The following ZNF543 variants were observed in gnomAD, a reference collection of about 807,000 sequenced individuals.
ZNF543 encodes the protein zinc finger protein 543.
A neutral mutation model predicts 13.4 loss-of-function variants in ZNF543; 10 were observed. That is an observed-to-expected ratio of 0.75 (90% CI 0.46 to 1.26). The LOEUF (loss-of-function observed/expected upper bound fraction) is 1.26. Ranked by LOEUF, ZNF543 falls within the 50% of genes most tolerant of loss-of-function variation. The probability of loss-of-function intolerance (pLI) is 0.00; values close to 1 mark genes in which losing one functional copy is unlikely to be tolerated. For missense variants in ZNF543, 768 were observed against 741.2 expected, an observed-to-expected ratio of 1.04 and a Z score of -0.42; for synonymous variants, 272 against 264.7, an observed-to-expected ratio of 1.03 and a Z score of -0.27.
At chr19:57,322,073 G>A (rs2088093325) in intron 1 of ZNF543, among the ~76,000 whole-genome samples, 1 of 152,116 alleles carries the variant, frequency 6.6e-6, no homozygotes, top group Admixed American at 6.5e-5. Flanking sequence ...GCCAGTCAGG[G>A]GCCCATGTTC....
Position 57,326,652 on chromosome 19 carries a change from A to T in ZNF543, c.165A>T (p.Pro55=). Residue 55 remains proline, a synonymous_variant, in exon 3 of 4, where the codon CCA becomes CCT. Coordinates refer to ENST00000321545, the MANE Select transcript of ZNF543 (RefSeq NM_213598.4). ...GCACAGGCTGTCCTTTGTTCAAACC[A>T]GAGCTGATCTACCAGTTGGATCACA... is the stretch of plus-strand genomic sequence containing the variant. ...LMSLGCPLFK[P]ELIYQLDHRQ... 1 of 1,614,056 alleles carries T rather than the reference A, an allele frequency of 6.2e-7. No individual in the cohort carries two copies. The highest frequency in any genetic ancestry group is 8.5e-7 in the Non-Finnish European group (1 of 1,179,954).
chr19:57,325,055 G>A (rs57215402), intron 2 of ZNF543, among the ~76,000 whole-genome samples: 39,529 of 152,076 alleles, frequency 0.26, 5,321 homozygotes, highest in Admixed American at 0.29. Flanking sequence ...TAAGGACTTG[G>A]ATTTGAGAGC....
At chr19:57,325,602 G>A (rs2088115727) in intron 2 of ZNF543, among the ~76,000 whole-genome samples, 1 of 152,046 alleles carries the variant, frequency 6.6e-6, no homozygotes, top group African/African-American at 2.4e-5. Context: ...ACCCACACTG[G>A]AGTGCAGTGG....
At chr19:57,325,189 C>T (rs1314109042) in intron 2 of ZNF543, among the ~76,000 whole-genome samples, 1 of 152,080 alleles carries the variant, frequency 6.6e-6, no homozygotes, top group Admixed American at 6.5e-5. Context: ...TGTGCAAAGG[C>T]CCTGAGGTGG....
chr19:57,323,433 C>A (rs190267820), intron 1 of ZNF543, among the ~76,000 whole-genome samples: 1 of 152,058 alleles, frequency 6.6e-6, no homozygotes. Context: ...ACCTCGTGAT[C>A]TGCCCTTCAT....
chr19:57,330,669 C>T lies in ZNF543; in HGVS notation c.*1404C>T, dbSNP rs1029751683. The T allele has an allele frequency of 5.3e-5, 8 of 152,004 alleles. No individual in the cohort carries two copies. The highest frequency in any genetic ancestry group is 1.9e-4 in the African/African-American group (8 of 41,362). 9.4% of individuals were successfully genotyped at this position (152,004 alleles called of 1,614,324 possible). ...TACACATTTAGAGCGTTTTGTAATTCCTTTTTTATATTTTTAAGACTAGAT... is the reference window on the plus strand; with the variant it reads ...TACACATTTAGAGCGTTTTGTAATTTCTTTTTTATATTTTTAAGACTAGAT... On this transcript the variant is annotated 3_prime_UTR_variant, in exon 4 of 4. Transcript: ENST00000321545.
At chr19:57,321,197 T>G (rs1029043373) in intron 1 of ZNF543, among the ~76,000 whole-genome samples, 7 of 152,182 alleles carry the variant, frequency 4.6e-5, no homozygotes, top group Non-Finnish European at 1.5e-5. Context: ...ATTTTTCCCT[T>G]GTCCTTTGCT....
Position 57,329,472 on chromosome 19 carries a change from C to T in ZNF543, c.*207C>T, listed in dbSNP as rs2088148998. The T allele has an allele frequency of 1.8e-6, 1 of 544,840 alleles. No individual in the cohort carries two copies. The highest frequency in any genetic ancestry group is 3.1e-6 in the Non-Finnish European group (1 of 324,892). 33.8% of individuals were successfully genotyped at this position (544,840 alleles called of 1,614,324 possible). A position where few individuals can be genotyped will look rare whatever the true frequency, so the allele number is the denominator to read the frequency against. On this transcript the variant is annotated 3_prime_UTR_variant, in exon 4 of 4. Coordinates refer to ENST00000321545, the MANE Select transcript of ZNF543 (RefSeq NM_213598.4). Reference sequence around the variant, plus strand: ...ATGCACTTAGGAAAACTTTCAGCCACATCTTTCTTCTTAGTTTACAGTGAA... The same window carrying T: ...ATGCACTTAGGAAAACTTTCAGCCATATCTTTCTTCTTAGTTTACAGTGAA...
At chr19:57,321,962 C>T (rs2088092559) in intron 1 of ZNF543, among the ~76,000 whole-genome samples, 1 of 152,154 alleles carries the variant, frequency 6.6e-6, no homozygotes, top group Non-Finnish European at 1.5e-5. Flanking sequence ...ACAGTGGTTT[C>T]CTGAGTGGTT....
rs758228420 is a variant in ZNF543, at chr19:57,320,513, C to T, written c.-341C>T. ...TCCGTGAGCAGGATTGGCCCTGGAACAGTGTGGGGCCTGGACCGCTGGGTA... is the reference window on the plus strand; with the variant it reads ...TCCGTGAGCAGGATTGGCCCTGGAATAGTGTGGGGCCTGGACCGCTGGGTA... On this transcript the variant is annotated 5_prime_UTR_variant, in exon 1 of 4. Coordinates refer to ENST00000321545, the MANE Select transcript of ZNF543 (RefSeq NM_213598.4). 6.0e-4 allele frequency: 159 copies of T among 263,158 alleles called. 1 individual carries two copies. The highest frequency in any genetic ancestry group is 1.3e-4 in the Non-Finnish European group (18 of 136,300). The allele number at this position is 263,158 out of a possible 1,614,324, so 16.3% of individuals were successfully genotyped here.
chr19:57,322,055 C>G (rs758826367), intron 1 of ZNF543, among the ~76,000 whole-genome samples: 1 of 152,208 alleles, frequency 6.6e-6, no homozygotes, highest in African/African-American at 2.4e-5. Flanking sequence ...TTAGCCAGGA[C>G]AGACATAGCC....
chr19:57,328,239 G>A lies in ZNF543; in HGVS notation c.777G>A (p.Glu259=), dbSNP rs149358738. 40 of 1,613,952 alleles carry A rather than the reference G, an allele frequency of 2.5e-5. No homozygotes were observed. The South Asian group carries it at 4.0e-4, about 16-fold the overall frequency. ...HTGEKPYKCM[E]CGKAFNRRSH... ...GGGAGAAGCCCTATAAGTGCATGGA[G>A]TGTGGGAAGGCTTTTAACCGCAGGT... The change falls in exon 4 of 4, where the codon GAG becomes GAA. Residue 259 remains glutamate (E), a synonymous_variant. Coordinates refer to ENST00000321545, the MANE Select transcript of ZNF543 (RefSeq NM_213598.4).
chr19:57,326,848 A>G, intron 3 of ZNF543, 120 bp downstream of exon 3: 1 of 730,436 alleles, frequency 1.4e-6, no homozygotes, highest in Non-Finnish European at 2.2e-6. Flanking sequence ...CTTGGGATCC[A>G]TGGAGCCTCT....
chr19:57,326,561 TCCCAGATCAGATTGA>T (rs1469833076), intron 2 of ZNF543, 57 bp from the exon 3 acceptor site: 12 of 1,180,060 alleles, frequency 1.0e-5, no homozygotes, highest in Non-Finnish European at 1.5e-5. Flanking sequence ...CATCCTGCAG[TCCCAGATCAGATTGA>T]CAGGTTTCTT....
Position 57,328,704 on chromosome 19 carries a change from A to G in ZNF543, c.1242A>G (p.Gln414=), listed in dbSNP as rs147736998. Residue 414 remains glutamine, a synonymous_variant, in exon 4 of 4, where the codon CAA becomes CAG. Transcript: ENST00000321545. ...FNRRSHLKQH[Q]RIHTGEKPYE... ...GTAGGTCACACCTCAAGCAGCATCA[A>G]CGGATTCACACTGGGGAGAAGCCTT... 21,329 of 1,612,518 alleles carry G rather than the reference A, an allele frequency of 0.013. 178 individuals are homozygous for G. Among genetic ancestry groups the G allele is most frequent in the Non-Finnish European group, 0.016 (18,963 of 1,179,534 alleles).
rs866322578 is a variant in ZNF543 at position 57,323,699 on chromosome 19, G to A, written c.36G>A (p.Glu12=). ...TTTTCCAGGTGTCTGTGACCTTTGA[G>A]GATGTGGCTGTGACATTCACCCAGG... The part of the protein sequence containing the change: ...AASAQVSVTF[E]DVAVTFTQEE... The change falls in exon 2 of 4, where the codon GAG becomes GAA. Residue 12 remains glutamate, a synonymous_variant. Transcript: ENST00000321545. 8.1e-6 allele frequency: 13 copies of A among 1,613,426 alleles called. No homozygotes were observed. In the African/African-American group the frequency reaches 1.1e-4, roughly 13 times the overall value.
intron 2 of ZNF543, 129 bp from the exon 3 acceptor site, chr19:57,326,504 A>T (rs2088121580): frequency 1.5e-6 from 1 of 669,244 alleles, no homozygotes; most frequent in African/African-American, 1.8e-5. Flanking sequence ...TCACGGTTCA[A>T]CGTTTTCTTT....
chr19:57,327,558 T>A, intron 3 of ZNF543, 146 bp from the exon 4 acceptor site: 1 of 1,039,704 alleles, frequency 9.6e-7, no homozygotes, highest in Non-Finnish European at 1.4e-6. Flanking sequence ...TTGGCCAGGC[T>A]GGTCTCAAAC....
At position 57,327,776 on chromosome 19, in the gene ZNF543, AG is replaced by A; in HGVS notation, c.316del (p.Glu106AsnfsTer3). On this transcript the variant is annotated frameshift_variant, in exon 4 of 4. Coordinates refer to ENST00000321545, the MANE Select transcript of ZNF543 (RefSeq NM_213598.4). LOFTEE classifies it low-confidence loss of function (END_TRUNC). Reference protein sequence around the residue: ...HLALPEEVLLQEQLTQGASKN... With the variant: ...HLALPEEVLLXEQLTQGASKN... ...GCCTTGCCTGAGGAAGTCTTACTCC[AG>A]GAACAACTGACACAAGGAGCCTCAA... is the stretch of plus-strand genomic sequence containing the variant. 6.2e-7 allele frequency: 1 copy of A among 1,614,054 alleles called. No individual in the cohort carries two copies. The highest frequency in any genetic ancestry group is 8.5e-7 in the Non-Finnish European group (1 of 1,180,004).
Sources: gnomAD v4.1 joint callset for allele counts (sites outside exome capture counted in the v4.1 genomes callset) on GRCh38, gnomAD v4.1.1 for gene constraint, MANE v1.5 for transcripts, NCBI Gene and HGNC (gene_info 2026-07-23, HGNC 2026-07-21) for gene names.